Variants in PHF14 observed in about 807,000 individuals in gnomAD.
The protein encoded by PHF14 is PHD finger protein 14.
In PHF14, 55 loss-of-function variants were observed where a neutral mutation model predicts 117.9. The ratio of observed to expected loss-of-function variants is 0.47; its 90% CI spans 0.38 to 0.58. The LOEUF (loss-of-function observed/expected upper bound fraction) is 0.58. Ranked by LOEUF, PHF14 falls within the 20% of genes least tolerant of loss-of-function variation. The probability of loss-of-function intolerance (pLI) is 0.00; values close to 1 mark genes in which losing one functional copy is unlikely to be tolerated. For synonymous variants in PHF14, 409 were observed against 368.6 expected, an observed-to-expected ratio of 1.11 and a Z score of -1.26; for missense variants, 978 against 1,122.2, an observed-to-expected ratio of 0.87 and a Z score of 1.84.
intron 16 of PHF14, chr7:11,104,341 G>A: frequency 1.0e-6 from 1 of 975,706 alleles, no homozygotes; most frequent in Non-Finnish European, 1.2e-6. Context: ...AAAAAGTATA[G>A]TTGAAGTAAG....
At position 11,035,868 on chromosome 7, in the gene PHF14, A is replaced by G. The variant is rs1021211866; in HGVS notation, c.1602+82A>G. On this transcript the variant is annotated intron_variant, in intron 8 of 17. Coordinates refer to ENST00000634607, the MANE Select transcript of PHF14 (RefSeq NM_001007157.2). ...TACGTCTCGTGTGGCTTCCAGTGAC[A>G]TGTGACGTATAATAGGAAGTTTGGT... The G allele has an allele frequency of 3.9e-6, 4 of 1,038,594 alleles. No individual in the cohort carries two copies. In the African/African-American group the frequency reaches 4.8e-5, roughly 12 times the overall value. The allele number at this position is 1,038,594 out of a possible 1,614,324, so 64.3% of individuals were successfully genotyped here.
chr7:11,141,717 T>C (rs1788403226), intron 17 of PHF14, among the ~76,000 whole-genome samples: 1 of 152,062 alleles, frequency 6.6e-6, no homozygotes, highest in Non-Finnish European at 1.5e-5. Context: ...AGTGACAGTA[T>C]GTAAATCTCT....
chr7:11,125,440 A>C (rs1489871853), intron 17 of PHF14, among the ~76,000 whole-genome samples: 1 of 152,118 alleles, frequency 6.6e-6, no homozygotes, highest in Non-Finnish European at 1.5e-5. Flanking sequence ...CTTCAAAAGA[A>C]TACTTGCTTC....
Position 11,039,221 on chromosome 7 carries a change from T to A in PHF14, c.2076+366T>A, listed in dbSNP as rs553753101. 8.5e-5 allele frequency among the ~76,000 whole-genome samples: 13 copies of A among 152,268 alleles called. 1 individual carries two copies. In the South Asian group the frequency reaches 2.7e-3, roughly 32 times the overall value. ...TTCCCTGCCACATTTTTTTCTTTCC[T>A]GTCCTTATGCTGTATTTTTTTTTCT... On this transcript the variant is annotated intron_variant, in intron 11 of 17. Transcript: ENST00000634607.
chr7:11,144,558 A>G (rs1034684297), intron 17 of PHF14, among the ~76,000 whole-genome samples: 2 of 149,102 alleles, frequency 1.3e-5, no homozygotes, highest in African/African-American at 4.9e-5. Flanking sequence ...TTATTGTAGC[A>G]CTATAATTTA....
chr7:11,053,194 A>G (rs1784899979), intron 14 of PHF14, among the ~76,000 whole-genome samples: 1 of 152,108 alleles, frequency 6.6e-6, no homozygotes, highest in Non-Finnish European at 1.5e-5. Flanking sequence ...ACATTTTCTT[A>G]ATCTGTATTA....
chr7:11,119,567 A>T (rs1250566769), intron 17 of PHF14, among the ~76,000 whole-genome samples: 2 of 151,892 alleles, frequency 1.3e-5, no homozygotes, highest in African/African-American at 4.8e-5. Context: ...TCGCCTAAAT[A>T]ATAGAAAAGG....
chr7:11,106,729 A>G (rs1787278644), intron 16 of PHF14: 4 of 984,338 alleles, frequency 4.1e-6, no homozygotes, highest in African/African-American at 1.7e-5. Flanking sequence ...ACAGTATTCA[A>G]GACTAATTTT....
chr7:10,974,151 T>G lies in PHF14; in HGVS notation c.-173T>G. On this transcript the variant is annotated 5_prime_UTR_variant, in exon 1 of 18. Coordinates refer to ENST00000634607, the MANE Select transcript of PHF14 (RefSeq NM_001007157.2). ...AGGCGAGGCCGGGGGGGCGGGGGGT[T>G]AGGGGACCGCGGGGCTACTCTTGGG... 1 of 621,922 alleles carries G rather than the reference T, an allele frequency of 1.6e-6. No individual in the cohort carries two copies. The highest frequency in any genetic ancestry group is 2.9e-6 in the Non-Finnish European group (1 of 345,138). The allele number at this position is 621,922 out of a possible 1,614,324, so 38.5% of individuals were successfully genotyped here.
chr7:11,151,389 TCTATAAAAAATAAAAA>T (rs1788698186), intron 17 of PHF14, among the ~76,000 whole-genome samples: 1 of 151,996 alleles, frequency 6.6e-6, no homozygotes, highest in African/African-American at 2.4e-5. Flanking sequence ...GACCACCCTC[TCTATAAAAAATAAAAA>T]CAAATTAGCT....
At chr7:11,102,617 A>G in intron 16 of PHF14, 2 of 1,554,454 alleles carry the variant, frequency 1.3e-6, no homozygotes, top group East Asian at 4.7e-5. Flanking sequence ...GAGAACAGCT[A>G]TATTGTCCTT....
At chr7:11,025,973 G>A (rs567502348) in intron 6 of PHF14, among the ~76,000 whole-genome samples, 24 of 151,728 alleles carry the variant, frequency 1.6e-4, no homozygotes, top group Non-Finnish European at 2.8e-4. Flanking sequence ...TTAGCTGGGC[G>A]TGGTGGCACG....
At chr7:11,077,474 G>A (rs960581716) in intron 16 of PHF14, among the ~76,000 whole-genome samples, 6 of 151,584 alleles carry the variant, frequency 4.0e-5, no homozygotes, top group East Asian at 1.9e-4. Context: ...GGTGGCACGC[G>A]CCTGTAGTCC....
At chr7:11,052,430 T>C (rs1784876990) in intron 14 of PHF14, among the ~76,000 whole-genome samples, 1 of 152,216 alleles carries the variant, frequency 6.6e-6, no homozygotes, top group African/African-American at 2.4e-5. Context: ...TTCTATTCTA[T>C]ACAGCTTTGT....
intron 7 of PHF14, among the ~76,000 whole-genome samples, chr7:11,029,845 C>T (rs1784061582): frequency 6.6e-6 from 1 of 151,800 alleles, no homozygotes; most frequent in South Asian, 2.1e-4. Context: ...GTCTAAGCCT[C>T]TCCTTGTTAT....
chr7:11,086,195 T>C (rs1466260754), intron 16 of PHF14, among the ~76,000 whole-genome samples: 1 of 152,146 alleles, frequency 6.6e-6, no homozygotes, highest in Non-Finnish European at 1.5e-5. Flanking sequence ...AAACATGAAT[T>C]TGTTACTATT....
chr7:11,003,248 C>T (rs1782945618), intron 4 of PHF14, among the ~76,000 whole-genome samples: 2 of 152,198 alleles, frequency 1.3e-5, no homozygotes, highest in South Asian at 4.2e-4. Context: ...AAAATCAGTC[C>T]CTTAAAATAA....
In PHF14 at chr7:11,085,590, A is replaced by G. The variant is rs141746332; in HGVS notation, c.2654+23505A>G. On this transcript the variant is annotated intron_variant, in intron 16 of 17. Transcript: ENST00000634607. ...TCATCCTATTTGGCCTCGTTTCAACATTTAACATTGGTGACCAACCTTCCT... is the reference window on the plus strand; with the variant it reads ...TCATCCTATTTGGCCTCGTTTCAACGTTTAACATTGGTGACCAACCTTCCT... 1.9e-4 allele frequency among the ~76,000 whole-genome samples: 29 copies of G among 152,298 alleles called. No individual in the cohort carries two copies. The East Asian group carries it at 5.6e-3, about 29-fold the overall frequency.
At chr7:11,034,140 T>C (rs1295013060) in intron 7 of PHF14, among the ~76,000 whole-genome samples, 1 of 152,138 alleles carries the variant, frequency 6.6e-6, no homozygotes, top group African/African-American at 2.4e-5. Context: ...TTTTTTAATA[T>C]TAAGGACACA....
Sources: gnomAD v4.1 joint callset for allele counts (sites outside exome capture counted in the v4.1 genomes callset) on GRCh38, gnomAD v4.1.1 for gene constraint, MANE v1.5 for transcripts, NCBI Gene and HGNC (gene_info 2026-07-23, HGNC 2026-07-21) for gene names.